The following TCERG1 variants were observed in gnomAD, a reference collection of about 807,000 sequenced individuals.
TCERG1 encodes transcription elongation regulator 1, also known as TATA box binding protein (TBP)-associated factor, RNA polymerase II, S, 150kD.
A neutral mutation model predicts 144.7 loss-of-function variants in TCERG1; 37 were observed. The ratio of observed to expected loss-of-function variants is 0.26; its 90% CI spans 0.20 to 0.34. The LOEUF (loss-of-function observed/expected upper bound fraction) is 0.34. Among genes scored for constraint, TCERG1 ranks in the 10% least tolerant of loss-of-function variants. The pLI, the probability that TCERG1 is intolerant of heterozygous loss-of-function variation, is 1.00. For synonymous variants in TCERG1, 492 were observed against 458.2 expected (o/e 1.07, Z -0.94); for missense variants, 1,027 against 1,380.7 (o/e 0.74, Z 4.06).
intron 17 of TCERG1, among the ~76,000 whole-genome samples, chr5:146,500,713 A>G (rs1051083090): frequency 6.6e-6 from 1 of 152,186 alleles, no homozygotes; most frequent in African/African-American, 2.4e-5. Context: ...ATTTTATTAA[A>G]AAGTGCCTGT....
At chr5:146,478,026 T>A (rs1765015781) in intron 9 of TCERG1, among the ~76,000 whole-genome samples, 1 of 152,160 alleles carries the variant, frequency 6.6e-6, no homozygotes, top group Non-Finnish European at 1.5e-5. Context: ...TTATTTTAGA[T>A]ATAATTAGAT....
At chr5:146,484,201 T>A (rs988828705) in intron 15 of TCERG1, among the ~76,000 whole-genome samples, 1 of 152,178 alleles carries the variant, frequency 6.6e-6, no homozygotes, top group African/African-American at 2.4e-5. Context: ...TGTTAAAATA[T>A]CTGTTTCCAT....
chr5:146,448,997 C>G (rs1302127545), intron 1 of TCERG1, among the ~76,000 whole-genome samples: 6 of 152,150 alleles, frequency 3.9e-5, no homozygotes, highest in Non-Finnish European at 8.8e-5. Flanking sequence ...CTTTAATTTG[C>G]AAATGAATTT....
intron 16 of TCERG1, among the ~76,000 whole-genome samples, chr5:146,497,235 C>T (rs1017167697): frequency 2.6e-5 from 4 of 152,078 alleles, no homozygotes; most frequent in Non-Finnish European, 4.4e-5. Flanking sequence ...TGCAGTGGCA[C>T]GATCTCGGCT....
At chr5:146,465,971 G>C (rs898285108) in intron 5 of TCERG1, among the ~76,000 whole-genome samples, 1 of 147,028 alleles carries the variant, frequency 6.8e-6, no homozygotes, top group African/African-American at 2.5e-5. Flanking sequence ...AGTGAGCCGA[G>C]ATCGCGCCAT....
intron 15 of TCERG1, among the ~76,000 whole-genome samples, chr5:146,486,928 A>G (rs1318216616): frequency 6.6e-6 from 1 of 152,058 alleles, no homozygotes; most frequent in Non-Finnish European, 1.5e-5. Context: ...TATCTCTACT[A>G]AAAATACAAA....
chr5:146,493,422 C>T (rs1315811172), intron 16 of TCERG1, among the ~76,000 whole-genome samples: 1 of 151,792 alleles, frequency 6.6e-6, no homozygotes, highest in Non-Finnish European at 1.5e-5. Context: ...TTCTAAGTGT[C>T]TAGTTAATGG....
chr5:146,473,542 C>T (rs1764545454), intron 9 of TCERG1, among the ~76,000 whole-genome samples: 2 of 152,138 alleles, frequency 1.3e-5, no homozygotes, highest in Non-Finnish European at 2.9e-5. Flanking sequence ...GAGAACATGC[C>T]ATCCCAGGAC....
intron 1 of TCERG1, among the ~76,000 whole-genome samples, chr5:146,448,010 C>T (rs937300270): frequency 6.6e-6 from 1 of 152,182 alleles, no homozygotes; most frequent in Non-Finnish European, 1.5e-5. Flanking sequence ...AGTAGCAACC[C>T]CTTATTAGGC....
intron 21 of TCERG1, among the ~76,000 whole-genome samples, chr5:146,508,862 T>C (rs1039505763): frequency 1.3e-5 from 2 of 152,130 alleles, no homozygotes; most frequent in Non-Finnish European, 2.9e-5. Context: ...AAGTAGATGA[T>C]CCTCATAAAA....
At chr5:146,494,589 T>G (rs1766718295) in intron 16 of TCERG1, among the ~76,000 whole-genome samples, 1 of 152,134 alleles carries the variant, frequency 6.6e-6, no homozygotes, top group Non-Finnish European at 1.5e-5. Flanking sequence ...TACATCCAAC[T>G]CTGGCATAGA....
chr5:146,493,050 G>GT lies in TCERG1; in HGVS notation c.2282+15dup. ...AAATTTAATCCAAGGTATGTGGTTT[G>GT]TTTCTCTTAAATATCAAAGTGTATT... On this transcript the variant is annotated intron_variant, in intron 16 of 22. Transcript: ENST00000679501. 1 of 1,519,484 alleles carries GT rather than the reference G, an allele frequency of 6.6e-7. No individual in the cohort carries two copies. Among genetic ancestry groups the GT allele is most frequent in the Non-Finnish European group, 9.0e-7 (1 of 1,108,052 alleles). 94.1% of individuals were successfully genotyped at this position (1,519,484 alleles called of 1,614,324 possible).
intron 17 of TCERG1, among the ~76,000 whole-genome samples, chr5:146,502,679 GT>G (rs1199826688): frequency 2.0e-4 from 31 of 152,232 alleles, no homozygotes; most frequent in African/African-American, 7.2e-4. Flanking sequence ...AGTTTATAAT[GT>G]TATAAACATT....
At chr5:146,462,755 T>C (rs1439715329) in intron 4 of TCERG1, among the ~76,000 whole-genome samples, 1 of 152,236 alleles carries the variant, frequency 6.6e-6, no homozygotes, top group Non-Finnish European at 1.5e-5. Flanking sequence ...TCTGTGAGGT[T>C]AATTCATCAA....
chr5:146,458,807 T>A, intron 3 of TCERG1, 77 bp from the exon 4 acceptor site: 2 of 1,522,364 alleles, frequency 1.3e-6, no homozygotes, highest in Non-Finnish European at 1.8e-6. Context: ...GCTTTAAAGA[T>A]AAAATATGGT....
intron 16 of TCERG1, among the ~76,000 whole-genome samples, chr5:146,495,477 C>G (rs1766804672): frequency 6.6e-6 from 1 of 152,060 alleles, no homozygotes; most frequent in African/African-American, 2.4e-5. Context: ...TTTATTTTAC[C>G]ATGCCATTTT....
In TCERG1 at chr5:146,507,293, G is replaced by A; in HGVS notation, c.2961+86G>A. 1 of 1,296,226 alleles carries A rather than the reference G, an allele frequency of 7.7e-7. No individual in the cohort carries two copies. The highest frequency in any genetic ancestry group is 1.0e-6 in the Non-Finnish European group (1 of 956,602). 80.3% of individuals were successfully genotyped at this position (1,296,226 alleles called of 1,614,324 possible). A position where few individuals can be genotyped will look rare whatever the true frequency, so the allele number is the denominator to read the frequency against. ...GCAAAGCATTGATATGATTTTTAGTGTCATGGTCTTTAGATTCATTACTGG... is the reference window on the plus strand; with the variant it reads ...GCAAAGCATTGATATGATTTTTAGTATCATGGTCTTTAGATTCATTACTGG... On this transcript the variant is annotated intron_variant, in intron 20 of 22. Transcript: ENST00000679501. The surrounding 1 kb of genome is among the most constrained non-coding windows in gnomAD (Gnocchi z 4.6).
At chr5:146,474,279 A>C (rs1227116242) in intron 9 of TCERG1, among the ~76,000 whole-genome samples, 1 of 152,192 alleles carries the variant, frequency 6.6e-6, no homozygotes, top group Non-Finnish European at 1.5e-5. Flanking sequence ...TGCAGATGTG[A>C]TGGAAATAGC....
chr5:146,478,743 T>C lies in TCERG1; in HGVS notation c.1762+90T>C. ...GTGGAAGGCATTTAGAAACCCTTTA[T>C]TTTTCAAAGAATATAAGAAGCATTC... On this transcript the variant is annotated intron_variant, in intron 10 of 22. Transcript: ENST00000679501. 8 of 1,330,440 alleles carry C rather than the reference T, an allele frequency of 6.0e-6. No individual in the cohort carries two copies. In the South Asian group the frequency reaches 1.4e-4, roughly 23 times the overall value. The allele number at this position is 1,330,440 out of a possible 1,614,324, so 82.4% of individuals were successfully genotyped here.
Sources: allele counts gnomAD v4.1 joint callset (sites outside exome capture counted in the v4.1 genomes callset), GRCh38; gene constraint gnomAD v4.1.1; non-coding constraint Gnocchi (gnomAD v3.1); transcripts MANE v1.5; gene names NCBI Gene and HGNC (gene_info 2026-07-23, HGNC 2026-07-21).